Variants in NKAIN2 observed in about 807,000 individuals in gnomAD.
NKAIN2 encodes the protein sodium/potassium-transporting ATPase subunit beta-1-interacting protein 2.
NKAIN2 carries 14 observed loss-of-function variants against 32.6 expected under a neutral mutation model. The observed-to-expected ratio is 0.43, with a 90% confidence interval of 0.28 to 0.67. The LOEUF is 0.67. Ranked by LOEUF, NKAIN2 falls within the 30% of genes least tolerant of loss-of-function variation. The pLI is 0.17. For missense variants in NKAIN2, 198 were observed against 258.3 expected, an observed-to-expected ratio of 0.77 and a Z score of 1.60; for synonymous variants, 80 against 87.2, an observed-to-expected ratio of 0.92 and a Z score of 0.46.
intron 3 of NKAIN2, among the ~76,000 whole-genome samples, chr6:124,490,643 T>C (rs1338609884): frequency 2.0e-5 from 3 of 151,758 alleles, no homozygotes; most frequent in East Asian, 1.9e-4. Flanking sequence ...ATACTATTTA[T>C]TTTTCTTATC....
At chr6:124,537,449 G>A (rs1470409482) in intron 3 of NKAIN2, among the ~76,000 whole-genome samples, 1 of 152,072 alleles carries the variant, frequency 6.6e-6, no homozygotes, top group Non-Finnish European at 1.5e-5. Context: ...CTGGAACTCT[G>A]TTGCTTGCTT....
chr6:124,700,618 G>T (rs555638744), intron 4 of NKAIN2, among the ~76,000 whole-genome samples: 1 of 152,220 alleles, frequency 6.6e-6, no homozygotes, highest in Admixed American at 6.5e-5. Flanking sequence ...AAGACAGGAA[G>T]TTGTGCCCCC....
chr6:124,135,249 T>C (rs1256791904), intron 1 of NKAIN2, among the ~76,000 whole-genome samples: 2 of 151,442 alleles, frequency 1.3e-5, no homozygotes, highest in African/African-American at 2.4e-5. Flanking sequence ...ACAACTAGCA[T>C]GATGAATAGA....
chr6:124,567,116 C>T (rs935803227), intron 3 of NKAIN2, among the ~76,000 whole-genome samples: 3 of 152,188 alleles, frequency 2.0e-5, no homozygotes, highest in Admixed American at 6.5e-5. Flanking sequence ...ATCGCAAAAA[C>T]TCTTGACAGT....
At chr6:124,540,047 T>G (rs1779855269) in intron 3 of NKAIN2, among the ~76,000 whole-genome samples, 1 of 152,232 alleles carries the variant, frequency 6.6e-6, no homozygotes, top group Non-Finnish European at 1.5e-5. Flanking sequence ...ACCAAAGTTT[T>G]AAAATATTTA....
chr6:124,121,775 A>T (rs952157237), intron 1 of NKAIN2: 184 of 234,514 alleles, frequency 7.8e-4, no homozygotes, highest in African/African-American at 4.0e-3. Context: ...AGAAGCTCTA[A>T]ATTATGCGGG....
intron 3 of NKAIN2, among the ~76,000 whole-genome samples, chr6:124,603,713 A>T (rs185209177): frequency 6.6e-6 from 1 of 152,056 alleles, no homozygotes; most frequent in African/African-American, 2.4e-5. Flanking sequence ...ACCCAAACTG[A>T]TACACTGAGA....
intron 1 of NKAIN2, among the ~76,000 whole-genome samples, chr6:123,809,585 T>C (rs1030111271): frequency 6.6e-6 from 1 of 152,192 alleles, no homozygotes; most frequent in African/African-American, 2.4e-5. Flanking sequence ...AATACTGCTG[T>C]GCACATGTGC....
chr6:124,323,677 T>A (rs943421802), intron 2 of NKAIN2, among the ~76,000 whole-genome samples: 5 of 152,114 alleles, frequency 3.3e-5, no homozygotes, highest in African/African-American at 4.8e-5. Flanking sequence ...AACCACACTA[T>A]CTTGATTACA....
intron 4 of NKAIN2, among the ~76,000 whole-genome samples, chr6:124,662,500 T>A (rs1317113372): frequency 6.6e-6 from 1 of 152,216 alleles, no homozygotes; most frequent in African/African-American, 2.4e-5. Context: ...GAAAACTCTC[T>A]ACTTTGTAGA....
intron 3 of NKAIN2, among the ~76,000 whole-genome samples, chr6:124,573,524 T>G (rs1414400973): frequency 6.6e-6 from 1 of 152,132 alleles, no homozygotes; most frequent in African/African-American, 2.4e-5. Flanking sequence ...GAGCCTTATC[T>G]CCATCTAATT....
chr6:123,925,445 A>G (rs1308501598), intron 1 of NKAIN2, among the ~76,000 whole-genome samples: 1 of 152,156 alleles, frequency 6.6e-6, no homozygotes, highest in South Asian at 2.1e-4. Context: ...GTATCTGTTA[A>G]AACCTGCTTA....
intron 3 of NKAIN2, among the ~76,000 whole-genome samples, chr6:124,486,524 A>G (rs1777656889): frequency 6.6e-6 from 1 of 152,174 alleles, no homozygotes. Context: ...TTATTCTAAA[A>G]TAACTTTTTA....
intron 1 of NKAIN2, among the ~76,000 whole-genome samples, chr6:124,188,467 C>A (rs144259820): frequency 6.6e-6 from 1 of 152,274 alleles, no homozygotes; most frequent in African/African-American, 2.4e-5. Context: ...AAGTTAACTG[C>A]TTATGGACTT....
At chr6:124,702,505 T>G (rs1489617391) in intron 4 of NKAIN2, among the ~76,000 whole-genome samples, 2 of 152,040 alleles carry the variant, frequency 1.3e-5, no homozygotes, top group Non-Finnish European at 2.9e-5. Context: ...TAATGGGGCT[T>G]TTTTAGATAC....
intron 1 of NKAIN2, among the ~76,000 whole-genome samples, chr6:124,176,791 T>C (rs1789178723): frequency 6.6e-6 from 1 of 152,140 alleles, no homozygotes. Flanking sequence ...TTATTATTAG[T>C]GAGGTTGAAT....
intron 1 of NKAIN2, among the ~76,000 whole-genome samples, chr6:123,987,994 T>A (rs1779221239): frequency 6.6e-6 from 1 of 152,212 alleles, no homozygotes; most frequent in East Asian, 1.9e-4. Context: ...GACAGGTGAA[T>A]GGACTATATG....
chr6:124,818,336 A>T, intron 5 of NKAIN2, 51 bp from the exon 6 acceptor site: 1 of 948,426 alleles, frequency 1.1e-6, no homozygotes, highest in Non-Finnish European at 1.7e-6. Context: ...GTGCTTGATC[A>T]TGGATGTATA....
chr6:124,339,202 G>T (rs1024732780), intron 2 of NKAIN2, among the ~76,000 whole-genome samples: 3 of 152,092 alleles, frequency 2.0e-5, no homozygotes, highest in African/African-American at 4.8e-5. Context: ...GTAGCCGGGC[G>T]TGGTGGCGCG....
Sources: gnomAD v4.1 joint callset for allele counts (sites outside exome capture counted in the v4.1 genomes callset) on GRCh38, gnomAD v4.1.1 for gene constraint, MANE v1.5 for transcripts, NCBI Gene and HGNC (gene_info 2026-07-23, HGNC 2026-07-21) for gene names.